Variants in PTPRN2 observed in about 807,000 individuals in gnomAD.
PTPRN2 encodes the protein receptor-type tyrosine-protein phosphatase N2.
A neutral mutation model predicts 118.8 loss-of-function variants in PTPRN2; 74 were observed. The observed-to-expected ratio is 0.62, with a 90% confidence interval of 0.52 to 0.76. PTPRN2 has a LOEUF of 0.76. Among genes scored for constraint, PTPRN2 ranks in the 30% least tolerant of loss-of-function variants. The pLI, the probability that PTPRN2 is intolerant of heterozygous loss-of-function variation, is 0.00. For synonymous variants in PTPRN2, 641 were observed against 608.0 expected (o/e 1.05, Z -0.80); for missense variants, 1,481 against 1,394.4 (o/e 1.06, Z -0.99).
intron 2 of PTPRN2, among the ~76,000 whole-genome samples, chr7:158,477,356 A>C (rs1820348614): frequency 6.6e-6 from 1 of 152,270 alleles, no homozygotes; most frequent in Non-Finnish European, 1.5e-5. Context: ...AAAACAGGGC[A>C]CACAGCAAAC....
intron 12 of PTPRN2, among the ~76,000 whole-genome samples, chr7:157,733,399 TCCA>T (rs761803368): frequency 1.2e-5 from 1 of 80,724 alleles, no homozygotes; most frequent in East Asian, 2.8e-4. Flanking sequence ...CAGTTACCCT[TCCA>T]CCCCATGCGC....
At chr7:158,041,745 G>A (rs1431594696) in intron 11 of PTPRN2, among the ~76,000 whole-genome samples, 2 of 152,202 alleles carry the variant, frequency 1.3e-5, no homozygotes, top group Non-Finnish European at 2.9e-5. Flanking sequence ...TATGGCCAAA[G>A]AGAAACCTGC....
intron 2 of PTPRN2, among the ~76,000 whole-genome samples, chr7:158,457,230 G>A (rs1048970135): frequency 3.3e-5 from 5 of 152,036 alleles, no homozygotes; most frequent in South Asian, 4.2e-4. Flanking sequence ...TCCTGAAAGC[G>A]TCCTTATCTG....
rs1823604784 is a variant in PTPRN2 at position 158,171,256 on chromosome 7, TATATATACACAC to T, written c.550-3977_550-3966del. 1.7e-4 allele frequency among the ~76,000 whole-genome samples: 17 copies of T among 101,284 alleles called. 1 individual carries two copies. The highest frequency in any genetic ancestry group is 5.4e-4 in the Admixed American group (5 of 9,290). The allele number at this position is 101,284 out of a possible 152,430, so 66.4% of individuals were successfully genotyped here. ...ATATATATACACATATATACACACATATATATACACACATATATACACACATATATATACACA... is the reference window on the plus strand; with the variant it reads ...ATATATATACACATATATACACACATATATATACACACATATATATACACA... On this transcript the variant is annotated intron_variant, in intron 5 of 22. Coordinates refer to ENST00000389418, the MANE Select transcript of PTPRN2 (RefSeq NM_002847.5).
intron 9 of PTPRN2, among the ~76,000 whole-genome samples, chr7:158,126,680 C>T (rs975661665): frequency 4.7e-5 from 7 of 150,010 alleles, no homozygotes; most frequent in East Asian, 3.9e-4. Context: ...CAGCGGGCGG[C>T]GGAACTTCCT....
intron 2 of PTPRN2, among the ~76,000 whole-genome samples, chr7:158,411,529 G>A (rs560086129): frequency 9.9e-5 from 15 of 152,268 alleles, no homozygotes; most frequent in Middle Eastern, 3.4e-3. Flanking sequence ...TCCTGCTGTC[G>A]TCCCGGGAAC....
At chr7:158,554,888 C>T (rs1272382698) in intron 1 of PTPRN2, among the ~76,000 whole-genome samples, 32 of 152,178 alleles carry the variant, frequency 2.1e-4, no homozygotes. Flanking sequence ...GTTTTCGCTC[C>T]TGCCAGCAGC....
intron 2 of PTPRN2, among the ~76,000 whole-genome samples, chr7:158,484,899 G>A (rs970077349): frequency 2.0e-5 from 3 of 152,222 alleles, no homozygotes; most frequent in Non-Finnish European, 2.9e-5. Flanking sequence ...AGACGTGAAG[G>A]CTGTGGCTGT....
chr7:157,897,136 C>T (rs796586334), intron 12 of PTPRN2, among the ~76,000 whole-genome samples: 18 of 152,316 alleles, frequency 1.2e-4, no homozygotes, highest in African/African-American at 4.3e-4. Context: ...TTCCTGGACA[C>T]CATTATCCCT....
rs544102986 is a variant in PTPRN2, at chr7:158,055,567, T to G, written c.1723+25731A>C. Among the ~76,000 whole-genome samples the G allele has an allele frequency of 2.6e-5, 4 of 152,308 alleles. No homozygotes were observed. The South Asian group carries it at 8.3e-4, about 32-fold the overall frequency. ...GCTCCTAGTCCGCCTTCATGTTCCA[T>G]CCTGTACACCTGGCTCTGTGTTTTA... On this transcript the variant is annotated intron_variant, in intron 11 of 22. Transcript: ENST00000389418.
rs115700390 is a variant in PTPRN2, at chr7:157,611,944, G to A, written c.2345-7869C>T. Among the ~76,000 whole-genome samples the A allele has an allele frequency of 6.3e-3, 958 of 152,296 alleles. 18 individuals carry two copies. The highest frequency in any genetic ancestry group is 0.02 in the African/African-American group (850 of 41,546). On this transcript the variant is annotated intron_variant, in intron 15 of 22. Transcript: ENST00000389418. This position sits in a 1 kb window ranked among gnomAD's most constrained non-coding sequence, Gnocchi z 5.9. Reference sequence around the variant, plus strand: ...CCGTGTGAAGACGAAGACAGCCGTGGTCGTGCTGAGGAGCGAGGCCTCCAG... The same window carrying A: ...CCGTGTGAAGACGAAGACAGCCGTGATCGTGCTGAGGAGCGAGGCCTCCAG...
In PTPRN2 at chr7:158,022,237, A is replaced by G. The variant is rs1806934652; in HGVS notation, c.1723+59061T>C. Among the ~76,000 whole-genome samples, 1 of 152,158 alleles carries G rather than the reference A, an allele frequency of 6.6e-6. No individual in the cohort carries two copies. Among genetic ancestry groups the G allele is most frequent in the Non-Finnish European group, 1.5e-5 (1 of 68,020 alleles). ...CAAGGGGCATCACCTGAGTGCTTTT[A>G]CTTTCCCCATTGCTGACCCTACAGC... On this transcript the variant is annotated intron_variant, in intron 11 of 22. Coordinates refer to ENST00000389418, the MANE Select transcript of PTPRN2 (RefSeq NM_002847.5). This position sits in a 1 kb window ranked among gnomAD's most constrained non-coding sequence, Gnocchi z 4.6.
intron 12 of PTPRN2, among the ~76,000 whole-genome samples, chr7:157,799,351 A>G (rs1438491089): frequency 6.6e-6 from 1 of 151,992 alleles, no homozygotes; most frequent in East Asian, 1.9e-4. Context: ...AAGACCCCAC[A>G]TCGCCATCTC....
At chr7:158,188,784 G>A (rs562280635) in intron 5 of PTPRN2, among the ~76,000 whole-genome samples, 14 of 152,212 alleles carry the variant, frequency 9.2e-5, no homozygotes, top group African/African-American at 2.7e-4. Flanking sequence ...TATGGGGAAG[G>A]CTGCTTCCAG....
intron 12 of PTPRN2, among the ~76,000 whole-genome samples, chr7:157,706,172 A>G (rs572260326): frequency 5.9e-4 from 89 of 152,000 alleles, no homozygotes; most frequent in Admixed American, 2.4e-3. Context: ...TTCCAGATCA[A>G]TGTGCACTAC....
At chr7:158,507,295 A>T (rs10260103) in intron 1 of PTPRN2, among the ~76,000 whole-genome samples, 45 of 150,092 alleles carry the variant, frequency 3.0e-4, no homozygotes, top group African/African-American at 1.0e-3. Flanking sequence ...ACTGCACACA[A>T]GAAGGTCAGT....
intron 2 of PTPRN2, among the ~76,000 whole-genome samples, chr7:158,392,522 C>T (rs1052102098): frequency 4.6e-5 from 7 of 152,192 alleles, no homozygotes; most frequent in Non-Finnish European, 8.8e-5. Context: ...AAGAGCTCCA[C>T]GTGGGGGCAC....
At chr7:157,567,855 C>T (rs1404505002) in intron 21 of PTPRN2, among the ~76,000 whole-genome samples, 6 of 152,148 alleles carry the variant, frequency 3.9e-5, no homozygotes, top group South Asian at 2.1e-4. Flanking sequence ...AAGTAAGTGT[C>T]GGAGGCGCCA....
At chr7:157,712,664 T>C (rs1359912776) in intron 12 of PTPRN2, among the ~76,000 whole-genome samples, 1 of 148,746 alleles carries the variant, frequency 6.7e-6, no homozygotes, top group African/African-American at 2.5e-5. Flanking sequence ...GGCAGGAGAA[T>C]TGCTTGAACG....
Sources: gnomAD v4.1 joint callset for allele counts (sites outside exome capture counted in the v4.1 genomes callset) on GRCh38, gnomAD v4.1.1 for gene constraint, Gnocchi (gnomAD v3.1) non-coding constraint, MANE v1.5 for transcripts, NCBI Gene and HGNC (gene_info 2026-07-23, HGNC 2026-07-21) for gene names.